The following STS variants were observed in gnomAD, a reference collection of about 807,000 sequenced individuals.
The protein encoded by STS is steryl-sulfatase.
In STS, 7 loss-of-function variants were observed where a neutral mutation model predicts 26.8. The ratio of observed to expected loss-of-function variants is 0.26; its 90% CI spans 0.15 to 0.49. The LOEUF is 0.49. STS is among the 20% of genes least tolerant of loss of function. STS has a pLI of 0.98. For missense variants in STS, 434 were observed against 465.6 expected (o/e 0.93, Z 0.63); for synonymous variants, 199 against 189.4 (o/e 1.05, Z -0.42).
At chrX:7,236,794 A>C (rs1204075021) in intron 2 of STS, among the ~76,000 whole-genome samples, 1 of 111,795 alleles carries the variant, frequency 8.9e-6, no homozygotes, top group Non-Finnish European at 1.9e-5. Flanking sequence ...TTTAGTAGTG[A>C]AACATTGTGT....
intron 2 of STS, among the ~76,000 whole-genome samples, chrX:7,215,069 ACACG>A (rs1921241975): frequency 1.1e-5 from 1 of 93,451 alleles, no homozygotes; most frequent in East Asian, 3.2e-4. Context: ...ATGTATATAT[ACACG>A]TATATATGTA....
At chrX:7,292,396 G>A (rs1346577524) in intron 7 of STS, among the ~76,000 whole-genome samples, 1 of 112,224 alleles carries the variant, frequency 8.9e-6, no homozygotes, top group African/African-American at 3.2e-5. Context: ...AGATGGAAAG[G>A]GAGTCTTTGT....
chrX:7,296,622 A>G (rs1925678466), intron 7 of STS, among the ~76,000 whole-genome samples: 1 of 112,097 alleles, frequency 8.9e-6, no homozygotes, highest in South Asian at 3.7e-4. Flanking sequence ...TCTTCCCCGC[A>G]CCTTTTCCCA....
intron 6 of STS, among the ~76,000 whole-genome samples, chrX:7,271,415 A>G (rs1385761559): frequency 1.8e-5 from 2 of 110,825 alleles, no homozygotes; most frequent in Admixed American, 1.9e-4. Flanking sequence ...CATAATAAGT[A>G]GGATGGAGGC....
chrX:7,249,948 G>C (rs1248112112), intron 2 of STS, among the ~76,000 whole-genome samples: 3 of 110,900 alleles, frequency 2.7e-5, no homozygotes, highest in Admixed American at 1.9e-4. Flanking sequence ...TAATTAATTA[G>C]AGAGAGTCTC....
chrX:7,201,741 G>A (rs1055761864), intron 2 of STS, among the ~76,000 whole-genome samples: 2 of 111,031 alleles, frequency 1.8e-5, no homozygotes, highest in Admixed American at 9.7e-5. Context: ...GATTTCATGC[G>A]TTTGTCTTTG....
intron 6 of STS, among the ~76,000 whole-genome samples, chrX:7,272,190 T>A (rs1191430075): frequency 2.1e-5 from 2 of 96,502 alleles, no homozygotes; most frequent in African/African-American, 7.8e-5. Flanking sequence ...AAGCCAGGAA[T>A]ACATAGAAGA....
At chrX:7,233,839 C>T (rs1403314305) in intron 2 of STS, among the ~76,000 whole-genome samples, 2 of 111,482 alleles carry the variant, frequency 1.8e-5, no homozygotes, top group Admixed American at 1.9e-4. Context: ...AACAGCCTGG[C>T]CATCCACTGA....
intron 5 of STS, among the ~76,000 whole-genome samples, chrX:7,257,983 CAG>C (rs1384088443): frequency 9.3e-6 from 1 of 108,082 alleles, no homozygotes; most frequent in Non-Finnish European, 1.9e-5. Flanking sequence ...TAGACAGATG[CAG>C]AGAGAGACAA....
chrX:7,289,629 A>T (rs1227531338), intron 7 of STS, among the ~76,000 whole-genome samples: 1 of 111,202 alleles, frequency 9.0e-6, no homozygotes, highest in African/African-American at 3.3e-5. Flanking sequence ...CCCCACTCAG[A>T]TTCCTATGAT....
At chrX:7,166,954 A>G (rs1433188106) in intron 1 of STS, among the ~76,000 whole-genome samples, 1 of 111,822 alleles carries the variant, frequency 8.9e-6, no homozygotes, top group Non-Finnish European at 1.9e-5. Flanking sequence ...GTACTATTTT[A>G]TGTATATTTG....
chrX:7,266,048 A>G (rs777304250), intron 6 of STS, among the ~76,000 whole-genome samples: 8 of 112,280 alleles, frequency 7.1e-5, no homozygotes, highest in African/African-American at 2.6e-4. Flanking sequence ...AAATGGAGGT[A>G]GAGTTATTCA....
At chrX:7,148,628 C>T (rs1298894148) in intron 1 of STS, among the ~76,000 whole-genome samples, 1 of 112,421 alleles carries the variant, frequency 8.9e-6, no homozygotes, top group Non-Finnish European at 1.9e-5. Context: ...TTCGCCCGAG[C>T]CCCCAGTCCC....
At chrX:7,195,236 C>A (rs1933951765) in intron 2 of STS, among the ~76,000 whole-genome samples, 1 of 111,709 alleles carries the variant, frequency 9.0e-6, no homozygotes, top group Non-Finnish European at 1.9e-5. Flanking sequence ...TTTGGTAATA[C>A]CTGTACCACC....
chrX:7,238,121 GGTGTGTGTGTGTGT>G (rs55819541), intron 2 of STS, among the ~76,000 whole-genome samples: 17 of 88,523 alleles, frequency 1.9e-4, no homozygotes, highest in South Asian at 6.9e-4. Context: ...AGTATTCCAT[GGTGTGTGTGTGTGT>G]GTGTGTGTGT....
At chrX:7,301,020 G>A (rs1479546926) in intron 7 of STS, among the ~76,000 whole-genome samples, 1 of 111,289 alleles carries the variant, frequency 9.0e-6, no homozygotes, top group African/African-American at 3.3e-5. Context: ...GAAAAACTCT[G>A]TGACACCCCA....
chrX:7,186,177 A>G (rs1405491475), intron 1 of STS, among the ~76,000 whole-genome samples: 4 of 112,978 alleles, frequency 3.5e-5, no homozygotes, highest in African/African-American at 1.3e-4. Context: ...AGTTTACAAC[A>G]GTCAATATTG....
intron 9 of STS, among the ~76,000 whole-genome samples, 165 bp downstream of exon 9, chrX:7,325,663 T>C (rs1274002338): frequency 8.9e-6 from 1 of 112,608 alleles, no homozygotes; most frequent in Non-Finnish European, 1.9e-5. Context: ...AAAAGGCATA[T>C]ACATTTACTT....
chrX:7,174,275 C>T (rs1156933212), intron 1 of STS, among the ~76,000 whole-genome samples: 2 of 111,035 alleles, frequency 1.8e-5, no homozygotes, highest in African/African-American at 6.6e-5. Context: ...TTAAGAAGAC[C>T]AAAATCCCAA....
Sources: allele counts gnomAD v4.1 joint callset (sites outside exome capture counted in the v4.1 genomes callset), GRCh38; gene constraint gnomAD v4.1.1; transcripts MANE v1.5; gene names NCBI Gene and HGNC (gene_info 2026-07-23, HGNC 2026-07-21).